The following TMEM164 variants were observed in gnomAD, a reference collection of about 807,000 sequenced individuals.
TMEM164 encodes RP13-360B22.2.
Under a neutral mutation model 18.8 loss-of-function variants are expected in TMEM164, and 4 were observed. The observed-to-expected ratio is 0.21, with a 90% CI of 0.10 to 0.49. The LOEUF (loss-of-function observed/expected upper bound fraction) is 0.49, where lower values mean the gene tolerates loss of function less well. Ranked by LOEUF, TMEM164 falls within the 20% of genes least tolerant of loss-of-function variation. The pLI, the probability that TMEM164 is intolerant of heterozygous loss-of-function variation, is 0.98. For missense variants in TMEM164, 108 were observed against 239.9 expected (o/e 0.45, Z 3.63); for synonymous variants, 86 against 101.7 (o/e 0.85, Z 0.93).
At chrX:110,017,550 CCTTCCTTCCTTT>C (rs1933532280) in intron 2 of TMEM164, among the ~76,000 whole-genome samples, 8 of 41,483 alleles carry the variant, frequency 1.9e-4, no homozygotes, top group East Asian at 9.2e-4. Flanking sequence ...TTCCTTCCTT[CCTTCCTTCCTTT>C]CTTTCTTTCA....
At chrX:110,017,848 C>T (rs56074095) in intron 2 of TMEM164, among the ~76,000 whole-genome samples, 13,362 of 108,999 alleles carry the variant, frequency 0.12, 1,881 homozygotes, top group African/African-American at 0.4. Flanking sequence ...GGATTACAGG[C>T]GTGAGCCACT....
At chrX:110,061,829 C>CT (rs1262683853) in intron 2 of TMEM164, among the ~76,000 whole-genome samples, 1 of 111,283 alleles carries the variant, frequency 9.0e-6, no homozygotes, top group Non-Finnish European at 1.9e-5. Flanking sequence ...GGAAGCTTTC[C>CT]TGGAGAAAAT....
At chrX:110,112,901 T>C (rs2066310427) in intron 4 of TMEM164, among the ~76,000 whole-genome samples, 1 of 111,485 alleles carries the variant, frequency 9.0e-6, no homozygotes, top group Admixed American at 9.6e-5. Context: ...TACTGTACAG[T>C]CACATTCTGA....
chrX:110,107,498 C>T (rs1033405165), intron 3 of TMEM164, among the ~76,000 whole-genome samples: 3 of 111,940 alleles, frequency 2.7e-5, no homozygotes, highest in South Asian at 3.7e-4. Flanking sequence ...TGCATACCAT[C>T]GCTATTCGCA....
intron 5 of TMEM164, among the ~76,000 whole-genome samples, chrX:110,145,739 G>T (rs2066844187): frequency 8.9e-6 from 1 of 111,976 alleles, no homozygotes; most frequent in South Asian, 3.8e-4. Context: ...GAGCTCACTG[G>T]AAGATAGTCT....
At chrX:110,101,707 G>A (rs1466284167) in intron 3 of TMEM164, among the ~76,000 whole-genome samples, 2 of 107,706 alleles carry the variant, frequency 1.9e-5, no homozygotes, top group Admixed American at 2.0e-4. Context: ...AGCCTTCCAA[G>A]TAGCTGGGAC....
At chrX:110,039,194 AGTT>A (rs1267058515) in intron 2 of TMEM164, among the ~76,000 whole-genome samples, 4 of 112,486 alleles carry the variant, frequency 3.6e-5, no homozygotes, top group Non-Finnish European at 3.7e-5. Flanking sequence ...AATAAAAGGT[AGTT>A]GTTATTATTA....
At chrX:110,124,164 A>C (rs184110489) in intron 4 of TMEM164, among the ~76,000 whole-genome samples, 300 of 95,378 alleles carry the variant, frequency 3.1e-3, no homozygotes, top group African/African-American at 0.01. Flanking sequence ...GGAAGGAAGG[A>C]AGGAAGGAAG....
intron 2 of TMEM164, among the ~76,000 whole-genome samples, chrX:110,008,908 G>A (rs1569291707): frequency 1.8e-5 from 2 of 111,574 alleles, no homozygotes; most frequent in African/African-American, 3.3e-5. Flanking sequence ...CTCAGAAACC[G>A]ACAAAGCTCA....
At chrX:110,125,567 G>C (rs2066517261) in intron 4 of TMEM164, among the ~76,000 whole-genome samples, 1 of 111,997 alleles carries the variant, frequency 8.9e-6, no homozygotes, top group Admixed American at 9.4e-5. Context: ...AGGGCTGGGG[G>C]CCCCCAGAGT....
chrX:110,146,345 G>C (rs151029864), intron 5 of TMEM164, among the ~76,000 whole-genome samples: 1 of 112,084 alleles, frequency 8.9e-6, no homozygotes, highest in Non-Finnish European at 1.9e-5. Flanking sequence ...AGACTGGTCT[G>C]ACATGGAAAA....
At chrX:110,071,920 G>A (rs2065598130) in intron 3 of TMEM164, among the ~76,000 whole-genome samples, 1 of 108,942 alleles carries the variant, frequency 9.2e-6, no homozygotes, top group Admixed American at 9.9e-5. Flanking sequence ...ACAAGTTTAA[G>A]GATTAAAGTT....
At chrX:110,046,091 C>T (rs1569306038) in intron 2 of TMEM164, 1 of 753,013 alleles carries the variant, frequency 1.3e-6, no homozygotes, top group Non-Finnish European at 1.6e-6. Flanking sequence ...AGTTGGTTTA[C>T]ATTTAAGGCT....
At chrX:110,155,201 T>C (rs959451322) in intron 5 of TMEM164, among the ~76,000 whole-genome samples, 6 of 111,062 alleles carry the variant, frequency 5.4e-5, no homozygotes, top group Middle Eastern at 4.2e-3. Context: ...TTTGAGACAC[T>C]TGTTTCTCCT....
At chrX:110,133,009 G>A (rs1273333319) in intron 4 of TMEM164, among the ~76,000 whole-genome samples, 1 of 112,067 alleles carries the variant, frequency 8.9e-6, no homozygotes, top group Non-Finnish European at 1.9e-5. Flanking sequence ...CAGTTCTGGA[G>A]GCTAGAATTC....
At chrX:110,052,895 CAT>C (rs1935632208) in intron 2 of TMEM164, among the ~76,000 whole-genome samples, 1 of 109,773 alleles carries the variant, frequency 9.1e-6, no homozygotes, top group Non-Finnish European at 1.9e-5. Flanking sequence ...GGGCTACAGG[CAT>C]GCACCACCAT....
At chrX:110,011,386 A>G (rs971825158) in intron 2 of TMEM164, among the ~76,000 whole-genome samples, 8 of 111,587 alleles carry the variant, frequency 7.2e-5, no homozygotes, top group Non-Finnish European at 1.3e-4. Context: ...GAGCTGGCTC[A>G]TGTTAGCTCC....
intron 2 of TMEM164, among the ~76,000 whole-genome samples, chrX:110,024,965 A>C (rs1339845920): frequency 9.6e-6 from 1 of 103,670 alleles, no homozygotes; most frequent in Non-Finnish European, 2.0e-5. Flanking sequence ...CTTGATCTTA[A>C]AATTTTTATG....
At chrX:110,146,266 C>G (rs1262202082) in intron 5 of TMEM164, among the ~76,000 whole-genome samples, 1 of 112,328 alleles carries the variant, frequency 8.9e-6, no homozygotes, top group Non-Finnish European at 1.9e-5. Context: ...CTAGCCAAAT[C>G]TGCATGGCTG....
Sources: gnomAD v4.1 joint callset for allele counts (sites outside exome capture counted in the v4.1 genomes callset) on GRCh38, gnomAD v4.1.1 for gene constraint, MANE v1.5 for transcripts, NCBI Gene and HGNC (gene_info 2026-07-23, HGNC 2026-07-21) for gene names.